The following UQCC6 variants were observed in gnomAD, a reference collection of about 807,000 sequenced individuals.
The protein encoded by UQCC6 is ubiquinol-cytochrome c reductase complex assembly factor 6, also known as protein BRAWNIN.
At chr12:103,956,714 T>C in the UQCC6 span, 5 of 1,551,518 alleles carry the variant, frequency 3.2e-6, no homozygotes, top group Non-Finnish European at 4.4e-6. Context: ...TTCAGGTAGG[T>C]GGACATGGGC....
chr12:103,955,089 C>G, the UQCC6 span: 3 of 597,182 alleles, frequency 5.0e-6, no homozygotes, highest in Admixed American at 5.1e-5. Flanking sequence ...CAGAGGCGGG[C>G]GGATCACTTG....
At chr12:103,953,268 T>C in the UQCC6 span, 1 of 691,200 alleles carries the variant, frequency 1.4e-6, no homozygotes, top group Admixed American at 2.0e-5. Flanking sequence ...AGCATCTGGA[T>C]GTACCTTTCA....
the UQCC6 span, among the ~76,000 whole-genome samples, chr12:103,965,218 G>A: frequency 3.0e-4 from 45 of 152,320 alleles, no homozygotes; most frequent in East Asian, 8.7e-3. Context: ...GAACCACTGA[G>A]ACATAAAAGA....
the UQCC6 span, among the ~76,000 whole-genome samples, chr12:103,952,820 C>A: frequency 6.6e-6 from 1 of 152,110 alleles, no homozygotes; most frequent in Admixed American, 6.6e-5. Flanking sequence ...GACTGCTGAA[C>A]AAAGACATGG....
chr12:103,951,906 CT>C, the UQCC6 span, among the ~76,000 whole-genome samples: 1 of 152,184 alleles, frequency 6.6e-6, no homozygotes, highest in South Asian at 2.1e-4. Context: ...AGGTTCACAG[CT>C]TTGAATAAAA....
At chr12:103,953,371 T>C in the UQCC6 span, 7 of 702,052 alleles carry the variant, frequency 1.0e-5, no homozygotes, top group Non-Finnish European at 1.6e-5. Context: ...CAGAGTCATC[T>C]CCTTTGCTAT....
the UQCC6 span, among the ~76,000 whole-genome samples, chr12:103,958,745 A>T: frequency 5.3e-5 from 8 of 152,184 alleles, no homozygotes; most frequent in Non-Finnish European, 7.3e-5. Context: ...ATAAAATTTT[A>T]AAAATGTTGG....
the UQCC6 span, among the ~76,000 whole-genome samples, chr12:103,963,894 T>G: frequency 3.4e-5 from 5 of 145,064 alleles, no homozygotes; most frequent in Admixed American, 1.4e-4. Flanking sequence ...AGACAAATTG[T>G]TTTTTTTTTT....
At chr12:103,958,721 T>C in the UQCC6 span, among the ~76,000 whole-genome samples, 2 of 152,326 alleles carry the variant, frequency 1.3e-5, no homozygotes, top group South Asian at 4.1e-4. Context: ...TTCTAGTTGT[T>C]GGTGTGTAAA....
the UQCC6 span, among the ~76,000 whole-genome samples, chr12:103,964,369 C>T: frequency 6.6e-6 from 1 of 151,994 alleles, no homozygotes; most frequent in East Asian, 1.9e-4. Context: ...CCACCCGCCT[C>T]GGCCTCCCAA....
chr12:103,960,119 G>A, the UQCC6 span, among the ~76,000 whole-genome samples: 5 of 151,768 alleles, frequency 3.3e-5, no homozygotes, highest in Middle Eastern at 3.4e-3. Context: ...AAACAGTCTC[G>A]CTCTGTCGCC....
chr12:103,956,587 G>A, the UQCC6 span: 7 of 1,263,468 alleles, frequency 5.5e-6, no homozygotes, highest in South Asian at 5.1e-5. Flanking sequence ...AAGAAATGAG[G>A]TATATTTAGC....
At chr12:103,964,466 G>A in the UQCC6 span, among the ~76,000 whole-genome samples, 1 of 152,132 alleles carries the variant, frequency 6.6e-6, no homozygotes, top group Non-Finnish European at 1.5e-5. Context: ...AGAGGACCCT[G>A]GTCTCTTGAG....
the UQCC6 span, chr12:103,951,219 C>G: frequency 4.4e-5 from 9 of 206,664 alleles, no homozygotes; most frequent in East Asian, 1.1e-4. Context: ...TAAATAATTT[C>G]TTAATTTATA....
chr12:103,955,498 G>A, the UQCC6 span, among the ~76,000 whole-genome samples: 16,406 of 152,090 alleles, frequency 0.11, 1,017 homozygotes, highest in East Asian at 0.21. Context: ...TTAGCTGGGT[G>A]TGATGGTACA....
At chr12:103,954,215 C>G in the UQCC6 span, among the ~76,000 whole-genome samples, 1 of 152,208 alleles carries the variant, frequency 6.6e-6, no homozygotes, top group Non-Finnish European at 1.5e-5. Flanking sequence ...GAAATGTGTA[C>G]GTGAACTCCT....
chr12:103,955,315 T>G, the UQCC6 span, among the ~76,000 whole-genome samples: 1 of 146,744 alleles, frequency 6.8e-6, no homozygotes, highest in African/African-American at 2.5e-5. Context: ...AGACTGTGTC[T>G]CAAAAAATAA....
chr12:103,953,551 G>A, the UQCC6 span: 2 of 702,310 alleles, frequency 2.8e-6, no homozygotes, highest in Non-Finnish European at 5.2e-6. Context: ...AGAACAAAGT[G>A]GTTGACAACA....
At chr12:103,951,497 T>C in the UQCC6 span, 14 of 1,247,394 alleles carry the variant, frequency 1.1e-5, no homozygotes, top group African/African-American at 3.0e-5. Flanking sequence ...TTAAGACTTA[T>C]ATTATTCACA....
Sources: allele counts gnomAD v4.1 joint callset (sites outside exome capture counted in the v4.1 genomes callset), GRCh38; gene constraint gnomAD v4.1.1; transcripts MANE v1.5; gene names NCBI Gene and HGNC (gene_info 2026-07-23, HGNC 2026-07-21).